The following DNM3 variants were observed in gnomAD, a reference collection of about 807,000 sequenced individuals.
DNM3 encodes dynamin-3.
A neutral mutation model predicts 101.6 loss-of-function variants in DNM3; 47 were observed. The observed-to-expected ratio is 0.46, with a 90% CI of 0.37 to 0.59. The LOEUF (loss-of-function observed/expected upper bound fraction) is 0.59, where lower values mean the gene tolerates loss of function less well. DNM3 is among the 20% of genes least tolerant of loss of function. The pLI is 0.00. For synonymous variants in DNM3, 385 were observed against 387.9 expected (o/e 0.99, Z 0.09); for missense variants, 849 against 1,085.7 (o/e 0.78, Z 3.06).
At chr1:171,911,373 C>T (rs533842102) in intron 1 of DNM3, among the ~76,000 whole-genome samples, 9 of 151,350 alleles carry the variant, frequency 5.9e-5, no homozygotes, top group East Asian at 3.9e-4. Context: ...CTCCACCTCC[C>T]GGGTTCAAGT....
At chr1:172,362,056 C>A (rs2067769224) in intron 17 of DNM3, among the ~76,000 whole-genome samples, 1 of 151,900 alleles carries the variant, frequency 6.6e-6, no homozygotes, top group Non-Finnish European at 1.5e-5. Context: ...CAGAAGCCAA[C>A]CAGAAGAAGC....
At chr1:172,126,700 TCGTTTACACGGTACC>T (rs2056638742) in intron 13 of DNM3, among the ~76,000 whole-genome samples, 1 of 152,062 alleles carries the variant, frequency 6.6e-6, no homozygotes, top group African/African-American at 2.4e-5. Flanking sequence ...ATTCTTGTCT[TCGTTTACACGGTACC>T]TGCTTTTTTT....
chr1:172,225,574 A>ATTT (rs11339745), intron 14 of DNM3, among the ~76,000 whole-genome samples: 3 of 148,738 alleles, frequency 2.0e-5, no homozygotes, highest in African/African-American at 7.4e-5. Context: ...CCAAATGACC[A>ATTT]TTTTTTTTTT....
intron 2 of DNM3, chr1:171,970,111 GTTCC>G (rs2043883198): frequency 7.3e-6 from 2 of 275,220 alleles, no homozygotes; most frequent in African/African-American, 2.3e-5. Context: ...GGCATAGATA[GTTCC>G]TTCCTTCTGC....
intron 1 of DNM3, among the ~76,000 whole-genome samples, chr1:171,857,599 T>A (rs546629062): frequency 2.0e-5 from 3 of 152,322 alleles, no homozygotes; most frequent in Admixed American, 1.3e-4. Context: ...TCAGATGTCC[T>A]GATGACTTAT....
At position 172,057,956 on chromosome 1, in the gene DNM3, T is replaced by C. The variant is rs373738530; in HGVS notation, c.1335+9206T>C. On this transcript the variant is annotated intron_variant, in intron 10 of 20. Transcript: ENST00000627582. ...TGCTGTATTCAGGAAACCCATCTCA[T>C]GTGCAGAGACACACATAGGCTCAAC... Among the ~76,000 whole-genome samples, 5 of 140,180 alleles carry C rather than the reference T, an allele frequency of 3.6e-5. No individual in the cohort carries two copies. The South Asian group carries it at 1.1e-3, about 31-fold the overall frequency. The allele number at this position is 140,180 out of a possible 152,430, so 92.0% of individuals were successfully genotyped here.
chr1:172,173,223 G>A (rs974136855), intron 14 of DNM3, among the ~76,000 whole-genome samples: 5 of 151,710 alleles, frequency 3.3e-5, no homozygotes, highest in Non-Finnish European at 7.4e-5. Flanking sequence ...GGATGGAAGA[G>A]GGATGTTAAA....
intron 2 of DNM3, among the ~76,000 whole-genome samples, chr1:171,983,874 CT>C (rs1223023165): frequency 6.6e-6 from 1 of 152,134 alleles, no homozygotes; most frequent in Non-Finnish European, 1.5e-5. Flanking sequence ...AGTAGCAGTG[CT>C]TTTTCTCAAC....
chr1:172,306,396 A>G (rs2064816396), intron 15 of DNM3, among the ~76,000 whole-genome samples: 2 of 152,338 alleles, frequency 1.3e-5, no homozygotes, highest in South Asian at 4.1e-4. Context: ...AACAAATGGA[A>G]GAACATTCCA....
At chr1:172,335,239 A>C (rs1278158849) in intron 17 of DNM3, among the ~76,000 whole-genome samples, 1 of 152,148 alleles carries the variant, frequency 6.6e-6, no homozygotes, top group Non-Finnish European at 1.5e-5. Flanking sequence ...AGCTATCCAC[A>C]TCAATTTGCT....
At chr1:172,314,909 G>C (rs2065253364) in intron 16 of DNM3, among the ~76,000 whole-genome samples, 1 of 152,188 alleles carries the variant, frequency 6.6e-6, no homozygotes, top group Non-Finnish European at 1.5e-5. Flanking sequence ...CACGCAGCTG[G>C]AGATCTGAGA....
chr1:171,941,924 C>G (rs1235675196), intron 2 of DNM3, among the ~76,000 whole-genome samples: 1 of 152,002 alleles, frequency 6.6e-6, no homozygotes, highest in Non-Finnish European at 1.5e-5. Flanking sequence ...ACCCATATGC[C>G]TTTTTTGCAC....
intron 16 of DNM3, 35 bp downstream of exon 16, chr1:172,308,874 AT>A: frequency 7.8e-7 from 1 of 1,278,158 alleles, no homozygotes; most frequent in Non-Finnish European, 1.1e-6. Context: ...AAAAATTATT[AT>A]TAGCTATGCT....
rs2042004019 is a variant in DNM3, at chr1:171,944,288, G to C, written c.235+22467G>C. On this transcript the variant is annotated intron_variant, in intron 2 of 20. Coordinates refer to ENST00000627582, the MANE Select transcript of DNM3 (RefSeq NM_015569.5). Reference sequence around the variant, plus strand: ...AGAGACTGTACAAAAACAGATATCAGATTGGGTTGGATTTAGCTCAGAGGC... The same window carrying C: ...AGAGACTGTACAAAAACAGATATCACATTGGGTTGGATTTAGCTCAGAGGC... 2.0e-5 allele frequency among the ~76,000 whole-genome samples: 3 copies of C among 152,094 alleles called. No homozygotes were observed. In the South Asian group the frequency reaches 6.2e-4, roughly 32 times the overall value.
intron 13 of DNM3, among the ~76,000 whole-genome samples, chr1:172,105,641 A>G (rs1260058968): frequency 6.6e-6 from 1 of 152,132 alleles, no homozygotes; most frequent in Non-Finnish European, 1.5e-5. Context: ...TCCCAACTAG[A>G]GTTCTATTTG....
intron 14 of DNM3, among the ~76,000 whole-genome samples, chr1:172,164,227 C>CTTTTT (rs1165249284): frequency 2.7e-4 from 28 of 102,484 alleles, no homozygotes; most frequent in African/African-American, 1.2e-3. Context: ...ATTTTCTTTT[C>CTTTTT]TTTTCTTTTT....
intron 17 of DNM3, among the ~76,000 whole-genome samples, chr1:172,360,431 C>A (rs1421406131): frequency 6.6e-6 from 1 of 151,938 alleles, no homozygotes; most frequent in Non-Finnish European, 1.5e-5. Flanking sequence ...TAGATAGTAT[C>A]CTACTATTTT....
intron 4 of DNM3, among the ~76,000 whole-genome samples, chr1:172,031,648 A>T (rs2048619368): frequency 6.6e-6 from 1 of 152,208 alleles, no homozygotes; most frequent in Non-Finnish European, 1.5e-5. Flanking sequence ...AATATCATGT[A>T]TATGACGTGC....
At chr1:171,933,994 A>T (rs1364838878) in intron 2 of DNM3, among the ~76,000 whole-genome samples, 2 of 152,234 alleles carry the variant, frequency 1.3e-5, no homozygotes, top group Non-Finnish European at 2.9e-5. Context: ...ATTTGCTGAT[A>T]GTAATCATTT....
Sources: gnomAD v4.1 joint callset for allele counts (sites outside exome capture counted in the v4.1 genomes callset) on GRCh38, gnomAD v4.1.1 for gene constraint, MANE v1.5 for transcripts, NCBI Gene and HGNC (gene_info 2026-07-23, HGNC 2026-07-21) for gene names.